Variants in VPS33B observed in about 807,000 individuals in gnomAD.
VPS33B encodes VPS33B late endosome and lysosome associated.
Under a neutral mutation model 95.3 loss-of-function variants are expected in VPS33B, and 80 were observed. The ratio of observed to expected loss-of-function variants is 0.84; its 90% confidence interval spans 0.70 to 1.01. VPS33B has a LOEUF of 1.01. Among genes scored for constraint, VPS33B ranks in the 50% least tolerant of loss-of-function variants. VPS33B has a pLI of 0.00. For synonymous variants in VPS33B, 280 were observed against 280.4 expected, an observed-to-expected ratio of 1.00 and a Z score of 0.01; for missense variants, 715 against 773.4, an observed-to-expected ratio of 0.92 and a Z score of 0.90.
chr15:90,999,464 AC>A lies in VPS33B; in HGVS notation c.1774+212del. Reference sequence around the variant, plus strand: ...CTCCCGAGTAGTTAGCATTACAGGCACCGGCCACCATGCCTGGCTAATTTTT... The same window carrying A: ...CTCCCGAGTAGTTAGCATTACAGGCACGGCCACCATGCCTGGCTAATTTTT... On this transcript the variant is annotated intron_variant, in intron 22 of 22. Coordinates refer to ENST00000333371, the MANE Select transcript of VPS33B (RefSeq NM_018668.5). This position sits in a 1 kb window ranked among gnomAD's most constrained non-coding sequence, Gnocchi z 5.1. 2 of 616,382 alleles carry A rather than the reference AC, an allele frequency of 3.2e-6. No individual in the cohort carries two copies. Among genetic ancestry groups the A allele is most frequent in the South Asian group, 1.6e-5 (1 of 61,250 alleles). The allele number at this position is 616,382 out of a possible 1,614,324, so 38.2% of individuals were successfully genotyped here. A position where few individuals can be genotyped will look rare whatever the true frequency, so the allele number is the denominator to read the frequency against.
At position 91,022,594 on chromosome 15, in the gene VPS33B, C is replaced by G. The variant is rs1360541075; in HGVS notation, c.-345G>C. Reference sequence around the variant, plus strand: ...CTTCTACCAGAAAAAGAAGCGACTTCCTAGATCTCCCGGAAGTCCCTTTCG... The same window carrying G: ...CTTCTACCAGAAAAAGAAGCGACTTGCTAGATCTCCCGGAAGTCCCTTTCG... On this transcript the variant is annotated 5_prime_UTR_variant, in exon 1 of 23. Coordinates refer to ENST00000333371, the MANE Select transcript of VPS33B (RefSeq NM_018668.5). 1 of 188,518 alleles carries G rather than the reference C, an allele frequency of 5.3e-6. No homozygotes were observed. The allele number at this position is 188,518 out of a possible 1,614,324, so 11.7% of individuals were successfully genotyped here.
In VPS33B at chr15:90,999,721, G is replaced by A; in HGVS notation, c.1730C>T (p.Thr577Ile). Reference protein sequence around the residue: ...LILVVFLGGCTFSEISALRFL... With the variant: ...LILVVFLGGCIFSEISALRFL... Reference sequence around the variant, plus strand: ...CCGGAGGGCTGAGATCTCAGAGAATGTACAACCACCCAAGAACACCACCAA... The same window carrying A: ...CCGGAGGGCTGAGATCTCAGAGAATATACAACCACCCAAGAACACCACCAA... Residue 577 changes from threonine (T) to isoleucine (I), a missense_variant, in exon 22 of 23, where the codon ACA becomes ATA. Transcript: ENST00000333371. The surrounding 1 kb of genome is among the most constrained non-coding windows in gnomAD (Gnocchi z 5.1). The A allele has an allele frequency of 6.2e-7, 1 of 1,614,166 alleles. No homozygotes were observed. The highest frequency in any genetic ancestry group is 8.5e-7 in the Non-Finnish European group (1 of 1,180,036).
Position 91,005,321 on chromosome 15 carries a change from G to T in VPS33B, c.1105+59C>A. ...AGAACATCTTTTAAGGGTGGGACGG[G>T]GCTGGGAGCTGGGGAAGTAGAAGCG... On this transcript the variant is annotated intron_variant, in intron 14 of 22. Coordinates refer to ENST00000333371, the MANE Select transcript of VPS33B (RefSeq NM_018668.5). This position sits in a 1 kb window ranked among gnomAD's most constrained non-coding sequence, Gnocchi z 6.4. 6.2e-7 allele frequency: 1 copy of T among 1,614,052 alleles called. No individual in the cohort carries two copies. Among genetic ancestry groups the T allele is most frequent in the Non-Finnish European group, 8.5e-7 (1 of 1,179,998 alleles).
At position 91,022,266 on chromosome 15, in the gene VPS33B, G is replaced by C; in HGVS notation, c.-17C>G. The stretch of plus-strand genomic sequence containing the variant: ...AAAAGCCATGGCAGCGGTCACCTGC[G>C]CCGCGGGGTGGAAGGACGCCCTTCG... On this transcript the variant is annotated 5_prime_UTR_variant, in exon 1 of 23. Transcript: ENST00000333371. 6.5e-7 allele frequency: 1 copy of C among 1,541,554 alleles called. No homozygotes were observed. The highest frequency in any genetic ancestry group is 8.8e-7 in the Non-Finnish European group (1 of 1,136,972).
At position 91,022,433 on chromosome 15, in the gene VPS33B, C is replaced by G. The variant is rs1291889246; in HGVS notation, c.-184G>C. 1.7e-6 allele frequency: 1 copy of G among 575,658 alleles called. No individual in the cohort carries two copies. Among genetic ancestry groups the G allele is most frequent in the African/African-American group, 1.9e-5 (1 of 53,340 alleles). 35.7% of individuals were successfully genotyped at this position (575,658 alleles called of 1,614,324 possible). On this transcript the variant is annotated 5_prime_UTR_variant, in exon 1 of 23. Transcript: ENST00000333371. The stretch of plus-strand genomic sequence containing the variant: ...GAATGGCCACCTCCAGGCAAGAGAG[C>G]TACTACCTCGGAGCAGCCTTGTCTC...
chr15:91,004,215 T>A, intron 16 of VPS33B, among the ~76,000 whole-genome samples: 1 of 140,316 alleles, frequency 7.1e-6, no homozygotes, highest in Non-Finnish European at 1.5e-5. Context: ...AGAGCAAGAC[T>A]CTGTCTTAAA....
At chr15:91,001,588 T>A (rs2040439731) in intron 18 of VPS33B, 126 bp from the exon 19 acceptor site, 2 of 809,980 alleles carry the variant, frequency 2.5e-6, no homozygotes, top group African/African-American at 1.7e-5. Flanking sequence ...TGTTCAACTA[T>A]AATTCCCTGG....
chr15:91,001,322 AAAAAAG>A (rs2040431468), intron 19 of VPS33B, 61 bp downstream of exon 19: 7 of 1,323,520 alleles, frequency 5.3e-6, no homozygotes, highest in South Asian at 5.1e-5. Context: ...AAAAAAAAAA[AAAAAAG>A]AAAAGTACTC....
Position 91,006,466 on chromosome 15 carries a change from C to CTA in VPS33B, c.779-23_779-22dup, listed in dbSNP as rs1567222571. 3 of 1,614,148 alleles carry CTA rather than the reference C, an allele frequency of 1.9e-6. No homozygotes were observed. The highest frequency in any genetic ancestry group is 3.3e-4 in the Middle Eastern group (2 of 6,062). On this transcript the variant is annotated intron_variant, in intron 10 of 22. Coordinates refer to ENST00000333371, the MANE Select transcript of VPS33B (RefSeq NM_018668.5). The surrounding 1 kb of genome is among the most constrained non-coding windows in gnomAD (Gnocchi z 5.4). ...ACTCCCTTTGAGAGCAGAGGGACAG[C>CTA]TATTAGGATCTCCAATGAGGACTTC...
chr15:91,008,130 C>T (rs547728868), intron 6 of VPS33B, among the ~76,000 whole-genome samples, 166 bp from the exon 7 acceptor site: 16 of 152,324 alleles, frequency 1.1e-4, no homozygotes, highest in Middle Eastern at 3.4e-3. Flanking sequence ...AAGACACAGT[C>T]CCTGCCCTTA....
chr15:91,015,462 C>G lies in VPS33B; in HGVS notation c.240-1029G>C, dbSNP rs1471149380. ...TGGGAGGCCAAGGAGTGCGGATCAC[C>G]TGAGGTCAAGAGTTCAAGACCAGCC... is the stretch of plus-strand genomic sequence containing the variant. On this transcript the variant is annotated intron_variant, in intron 3 of 22. Coordinates refer to ENST00000333371, the MANE Select transcript of VPS33B (RefSeq NM_018668.5). The surrounding 1 kb of genome is among the most constrained non-coding windows in gnomAD (Gnocchi z 4.7). Among the ~76,000 whole-genome samples the G allele has an allele frequency of 1.3e-5, 2 of 151,966 alleles. No individual in the cohort carries two copies. Among genetic ancestry groups the G allele is most frequent in the African/African-American group, 2.4e-5 (1 of 41,384 alleles).
chr15:91,019,902 T>C (rs2041055869), intron 1 of VPS33B, among the ~76,000 whole-genome samples: 1 of 151,240 alleles, frequency 6.6e-6, no homozygotes, highest in African/African-American at 2.4e-5. Flanking sequence ...ACCTCCTGGG[T>C]TCAAGCAATT....
At position 91,022,255 on chromosome 15, in the gene VPS33B, C is replaced by T. The variant is rs1342184170; in HGVS notation, c.-6G>A. ...GGCCGATGGGGAAAAGCCATGGCAG[C>T]GGTCACCTGCGCCGCGGGGTGGAAG... On this transcript the variant is annotated 5_prime_UTR_variant, in exon 1 of 23. Transcript: ENST00000333371. The T allele has an allele frequency of 4.5e-6, 7 of 1,553,824 alleles. 1 individual carries two copies. Among genetic ancestry groups the T allele is most frequent in the South Asian group, 3.5e-5 (3 of 85,386 alleles).
chr15:91,001,984 C>T, intron 18 of VPS33B, 66 bp downstream of exon 18: 1 of 1,611,084 alleles, frequency 6.2e-7, no homozygotes, highest in Admixed American at 1.7e-5. Flanking sequence ...TCCCTCCCAG[C>T]ATGCTGCGTG....
At chr15:91,012,606 T>G (rs1039100635) in intron 5 of VPS33B, among the ~76,000 whole-genome samples, 8 of 152,234 alleles carry the variant, frequency 5.3e-5, no homozygotes, top group Admixed American at 1.3e-4. Flanking sequence ...AATAAATCCC[T>G]GTTCTTCCTA....
In VPS33B at chr15:91,005,864, A is replaced by G; in HGVS notation, c.940-80T>C. On this transcript the variant is annotated intron_variant, in intron 12 of 22. Transcript: ENST00000333371. This position sits in a 1 kb window ranked among gnomAD's most constrained non-coding sequence, Gnocchi z 6.4. ...ACCCTCCCTCAGTTGCCATCCATCC[A>G]TGAGAAAGGACAGGGAACCTGTCAT... 3.7e-6 allele frequency: 6 copies of G among 1,607,292 alleles called. No homozygotes were observed. The highest frequency in any genetic ancestry group is 5.1e-6 in the Non-Finnish European group (6 of 1,174,326).
At position 91,022,475 on chromosome 15, in the gene VPS33B, T is replaced by C. The variant is rs1305861552; in HGVS notation, c.-226A>G. The C allele has an allele frequency of 8.5e-6, 4 of 473,128 alleles. No homozygotes were observed. The highest frequency in any genetic ancestry group is 1.5e-5 in the Non-Finnish European group (4 of 262,298). 29.3% of individuals were successfully genotyped at this position (473,128 alleles called of 1,614,324 possible). A position where few individuals can be genotyped will look rare whatever the true frequency, so the allele number is the denominator to read the frequency against. ...CCTTGTCTCAGACCTGCAGCCACCG[T>C]GTCTCGACCCTCCCTCCCTGATCCA... On this transcript the variant is annotated 5_prime_UTR_variant, in exon 1 of 23. Transcript: ENST00000333371.
At chr15:91,012,245 T>G (rs1213089731) in intron 5 of VPS33B, among the ~76,000 whole-genome samples, 1 of 152,212 alleles carries the variant, frequency 6.6e-6, no homozygotes, top group South Asian at 2.1e-4. Context: ...GATAAATATT[T>G]GTAAGATTGT....
chr15:91,013,171 C>A lies in VPS33B; in HGVS notation c.357+633G>T, dbSNP rs1055236748. 3.3e-5 allele frequency among the ~76,000 whole-genome samples: 5 copies of A among 152,154 alleles called. No individual in the cohort carries two copies. Among genetic ancestry groups the A allele is most frequent in the African/African-American group, 1.2e-4 (5 of 41,422 alleles). ...TACAGAGCAGGTTCTACCTCGCAAG[C>A]GTGAAGCTTTTCATTTAAAAAAATC... On this transcript the variant is annotated intron_variant, in intron 5 of 22. Coordinates refer to ENST00000333371, the MANE Select transcript of VPS33B (RefSeq NM_018668.5). This position sits in a 1 kb window ranked among gnomAD's most constrained non-coding sequence, Gnocchi z 4.5.
Sources: allele counts gnomAD v4.1 joint callset (sites outside exome capture counted in the v4.1 genomes callset), GRCh38; gene constraint gnomAD v4.1.1; non-coding constraint Gnocchi (gnomAD v3.1); transcripts MANE v1.5; gene names NCBI Gene and HGNC (gene_info 2026-07-23, HGNC 2026-07-21).